The following CLASP1 variants were observed in gnomAD, a reference collection of about 807,000 sequenced individuals.
The protein encoded by CLASP1 is cytoplasmic linker associated protein 1.
CLASP1 carries 38 observed loss-of-function variants against 192.3 expected under a neutral mutation model. The observed-to-expected ratio is 0.20, with a 90% confidence interval of 0.15 to 0.26. The LOEUF (loss-of-function observed/expected upper bound fraction) is 0.26, where lower values mean the gene tolerates loss of function less well. Among genes scored for constraint, CLASP1 ranks in the 10% least tolerant of loss-of-function variants. The pLI is 1.00. For missense variants in CLASP1, 1,433 were observed against 1,932.5 expected (o/e 0.74, Z 4.85); for synonymous variants, 691 against 712.8 (o/e 0.97, Z 0.49).
intron 6 of CLASP1, 74 bp downstream of exon 6, chr2:121,525,771 A>G (rs768957949): frequency 7.6e-5 from 75 of 992,182 alleles, no homozygotes; most frequent in Non-Finnish European, 1.2e-4. Flanking sequence ...AGTCCCACCC[A>G]CTACGGAACA....
At chr2:121,588,425 C>A (rs1031939108) in intron 2 of CLASP1, among the ~76,000 whole-genome samples, 4 of 152,068 alleles carry the variant, frequency 2.6e-5, no homozygotes, top group Non-Finnish European at 4.4e-5. Context: ...TTAGTATAAT[C>A]ACTAAGGATA....
intron 32 of CLASP1, among the ~76,000 whole-genome samples, chr2:121,386,558 T>C (rs868856932): frequency 3.3e-5 from 5 of 152,226 alleles, no homozygotes; most frequent in South Asian, 2.1e-4. Flanking sequence ...TTTTAAATCA[T>C]TGCCTCAGCT....
At chr2:121,348,445 T>C (rs2063755454) in intron 38 of CLASP1, 67 bp downstream of exon 39, 1 of 1,413,088 alleles carries the variant, frequency 7.1e-7, no homozygotes, top group Non-Finnish European at 9.6e-7. Flanking sequence ...CACAAAGCCC[T>C]TACATTACTT....
chr2:121,509,601 G>A lies in CLASP1; in HGVS notation c.644+6064C>T, dbSNP rs377086443. Among the ~76,000 whole-genome samples, 10 of 152,288 alleles carry A rather than the reference G, an allele frequency of 6.6e-5. No individual in the cohort carries two copies. The East Asian group carries it at 1.7e-3, about 26-fold the overall frequency. ...ACCTGTAATCTCAGCACTTGGGGAC[G>A]CTGAGGCAGGTGGAACACACGAGGG... On this transcript the variant is annotated intron_variant, in intron 7 of 39. Coordinates refer to ENST00000263710, the Ensembl canonical transcript of CLASP1.
chr2:121,397,863 G>T (rs2075542984), intron 29 of CLASP1, among the ~76,000 whole-genome samples: 2 of 152,068 alleles, frequency 1.3e-5, no homozygotes, highest in Non-Finnish European at 2.9e-5. Context: ...CTCAAACTTG[G>T]TCTTGTTATT....
At chr2:121,528,588 C>T in intron 4 of CLASP1, 89 bp downstream of exon 4, 1 of 975,840 alleles carries the variant, frequency 1.0e-6, no homozygotes, top group Non-Finnish European at 1.7e-6. Context: ...TATGGAGTCA[C>T]ACCATTTGTG....
chr2:121,452,006 C>A (rs1015375736), intron 14 of CLASP1, among the ~76,000 whole-genome samples, 157 bp from the exon 15 acceptor site: 1 of 152,106 alleles, frequency 6.6e-6, no homozygotes, highest in Admixed American at 6.5e-5. Flanking sequence ...TGAATCAGAA[C>A]TGACTAAAAA....
chr2:121,594,464 G>C (rs1576325254), intron 2 of CLASP1, among the ~76,000 whole-genome samples: 2 of 150,390 alleles, frequency 1.3e-5, no homozygotes, highest in South Asian at 4.2e-4. Context: ...ATGATCTCAG[G>C]TCACTGCAAC....
In CLASP1 at chr2:121,389,402, T is replaced by A. The variant is rs1461906992; in HGVS notation, c.3124-1496A>T. ...AATTTAATGTACTGTTTATTTGATATGCATATTTGCATAACAGAACAATTT... is the reference window on the plus strand; with the variant it reads ...AATTTAATGTACTGTTTATTTGATAAGCATATTTGCATAACAGAACAATTT... On this transcript the variant is annotated intron_variant, in intron 30 of 39. Coordinates refer to ENST00000263710, the Ensembl canonical transcript of CLASP1. 5.3e-5 allele frequency among the ~76,000 whole-genome samples: 8 copies of A among 152,056 alleles called. No individual in the cohort carries two copies. In the South Asian group the frequency reaches 6.2e-4, roughly 12 times the overall value.
At chr2:121,594,394 T>C (rs1359516349) in intron 2 of CLASP1, among the ~76,000 whole-genome samples, 1 of 138,672 alleles carries the variant, frequency 7.2e-6, no homozygotes, top group African/African-American at 3.2e-5. Context: ...TAATAGTCTA[T>C]CAATTTTTTT....
At chr2:121,470,293 CTTTTTTTTT>C (rs70954550) in intron 8 of CLASP1, 235 of 308,938 alleles carry the variant, frequency 7.6e-4, no homozygotes, top group African/African-American at 2.4e-3. Context: ...ACCATCCATG[CTTTTTTTTT>C]TTTTTTTTTT....
intron 2 of CLASP1, among the ~76,000 whole-genome samples, chr2:121,571,898 G>A (rs12616610): frequency 9.9e-5 from 15 of 151,860 alleles, no homozygotes; most frequent in African/African-American, 3.6e-4. Flanking sequence ...AGAACTCAAG[G>A]CTTCGGAGCA....
At chr2:121,502,386 T>C (rs2093783563) in intron 8 of CLASP1, among the ~76,000 whole-genome samples, 1 of 152,130 alleles carries the variant, frequency 6.6e-6, no homozygotes, top group Non-Finnish European at 1.5e-5. Context: ...CACAGAGCGT[T>C]CCCTCAGAAC....
chr2:121,350,483 C>T (rs1299493703), intron 37 of CLASP1, among the ~76,000 whole-genome samples: 1 of 152,196 alleles, frequency 6.6e-6, no homozygotes, highest in Non-Finnish European at 1.5e-5. Context: ...CTTTGGGGCC[C>T]TCACTGAGGC....
intron 2 of CLASP1, among the ~76,000 whole-genome samples, chr2:121,545,912 TA>T (rs34508121): frequency 0.21 from 30,335 of 147,076 alleles, 5,470 homozygotes; most frequent in African/African-American, 0.49. Context: ...GCTCATTACT[TA>T]AAAAAAAAAA....
chr2:121,571,047 T>C (rs2059929088), intron 2 of CLASP1, among the ~76,000 whole-genome samples: 1 of 151,854 alleles, frequency 6.6e-6, no homozygotes, highest in African/African-American at 2.4e-5. Flanking sequence ...AGAGAGGAAA[T>C]TGTCACAGGG....
At chr2:121,571,726 G>A (rs1013071457) in intron 2 of CLASP1, among the ~76,000 whole-genome samples, 5 of 152,166 alleles carry the variant, frequency 3.3e-5, no homozygotes, top group African/African-American at 1.2e-4. Flanking sequence ...TCCATACCGA[G>A]GAAAGAGAAT....
exon 23 of CLASP1, chr2:121,418,668 ACGGCTGGTATCG>A: frequency 6.2e-7 from 1 of 1,613,766 alleles, no homozygotes; most frequent in Non-Finnish European, 8.5e-7. Flanking sequence ...GGCTGCTCTC[ACGGCTGGTATCG>A]CGGCTGCACC....
intron 8 of CLASP1, among the ~76,000 whole-genome samples, chr2:121,476,828 G>C (rs1211655211): frequency 6.6e-6 from 1 of 152,154 alleles, no homozygotes; most frequent in Non-Finnish European, 1.5e-5. Flanking sequence ...CTACTAACTA[G>C]ACTATAATTA....
Sources: gnomAD v4.1 joint callset for allele counts (sites outside exome capture counted in the v4.1 genomes callset) on GRCh38, gnomAD v4.1.1 for gene constraint, MANE v1.5 for transcripts, NCBI Gene and HGNC (gene_info 2026-07-23, HGNC 2026-07-21) for gene names.